Variants in MBP observed in about 807,000 individuals in gnomAD.
The protein encoded by MBP is myelin basic protein.
Under a neutral mutation model 35.8 loss-of-function variants are expected in MBP, and 16 were observed. That is an observed-to-expected ratio of 0.45 (90% CI 0.30 to 0.68). The LOEUF is 0.68. Ranked by LOEUF, MBP falls within the 30% of genes least tolerant of loss-of-function variation. The probability of loss-of-function intolerance (pLI) is 0.08; values close to 1 mark genes in which losing one functional copy is unlikely to be tolerated. For synonymous variants in MBP, 143 were observed against 159.6 expected (o/e 0.90, Z 0.78); for missense variants, 380 against 404.7 (o/e 0.94, Z 0.52).
Position 77,102,170 on chromosome 18 carries a change from G to A in MBP, c.51+3041C>T, listed in dbSNP as rs1000632235. 7.9e-5 allele frequency among the ~76,000 whole-genome samples: 12 copies of A among 151,944 alleles called. No individual in the cohort carries two copies. The highest frequency in any genetic ancestry group is 1.3e-4 in the Non-Finnish European group (9 of 68,000). On this transcript the variant is annotated intron_variant, in intron 2 of 8. Transcript: ENST00000355994. This position sits in a 1 kb window ranked among gnomAD's most constrained non-coding sequence, Gnocchi z 4.4. ...GTGGCAGCAGGGTGGGAAGGAGGGG[G>A]CCCTCAGCAGCCTGGGCCGGGCAGT...
intron 1 of MBP, chr18:77,109,784 C>G (rs905090861): frequency 2.0e-5 from 3 of 152,194 alleles, no homozygotes; most frequent in African/African-American, 7.2e-5. Flanking sequence ...ATATGCTCTC[C>G]GCACTTCATT....
At position 76,984,892 on chromosome 18, in the gene MBP, C is replaced by A. The variant is rs1170779422; in HGVS notation, c.753G>T (p.Gly251=). 2 of 1,613,116 alleles carry A rather than the reference C, an allele frequency of 1.2e-6. No individual in the cohort carries two copies. The highest frequency in any genetic ancestry group is 1.7e-6 in the Non-Finnish European group (2 of 1,180,014). Reference sequence around the variant, plus strand: ...CAAATCCTGGTCTCTGGCCTTCGGCCCCCTGCAAGAGAAGACCACGGAGCT... The same window carrying A: ...CAAATCCTGGTCTCTGGCCTTCGGCACCCTGCAAGAGAAGACCACGGAGCT... ...RGLSLSRFSW[G]AEGQRPGFGY... is the part of the protein sequence containing the mutation. The change falls in exon 8 of 9, where the codon GGG becomes GGT. Residue 251 remains glycine, a splice_region_variant and synonymous_variant. Coordinates refer to ENST00000355994, the MANE Select transcript of MBP (RefSeq NM_001025101.2).
At chr18:76,983,849 C>G (rs938790892) in intron 8 of MBP, 4 of 152,316 alleles carry the variant, frequency 2.6e-5, no homozygotes, top group African/African-American at 9.7e-5. Flanking sequence ...ACCACACATC[C>G]AGACTCAACA....
intron 3 of MBP, among the ~76,000 whole-genome samples, chr18:77,052,669 AG>A (rs1200510887): frequency 6.6e-6 from 1 of 152,208 alleles, no homozygotes; most frequent in African/African-American, 2.4e-5. Context: ...GCAAGCTCAG[AG>A]GACCTACTCA....
intron 4 of MBP, chr18:77,014,758 C>T (rs772998874): frequency 6.1e-6 from 6 of 985,232 alleles, no homozygotes; most frequent in South Asian, 4.7e-5. Flanking sequence ...TGCGCTCCCC[C>T]GGGATGCCTC....
chr18:77,029,362 T>C (rs1270039361), intron 3 of MBP, among the ~76,000 whole-genome samples: 164 of 145,728 alleles, frequency 1.1e-3, no homozygotes, highest in Middle Eastern at 6.9e-3. Context: ...ATGGCAGCAG[T>C]ACAGTCCAGC....
chr18:77,091,689 CCCA>C (rs886214094), intron 2 of MBP, among the ~76,000 whole-genome samples: 8 of 151,772 alleles, frequency 5.3e-5, no homozygotes, highest in Non-Finnish European at 1.2e-4. Context: ...TGTATACACC[CCCA>C]CATCACCATA....
In MBP at chr18:76,988,128, G is replaced by A; in HGVS notation, c.750+367C>T. The stretch of plus-strand genomic sequence containing the variant: ...CCAGCCAGTCCCACTTCCACATGCG[G>A]GTTCCTGGGGCTTCTCGCACTGGTT... On this transcript the variant is annotated intron_variant, in intron 7 of 8. Transcript: ENST00000355994. This position sits in a 1 kb window ranked among gnomAD's most constrained non-coding sequence, Gnocchi z 5.2. The A allele has an allele frequency of 6.6e-7, 1 of 1,524,604 alleles. No homozygotes were observed. The highest frequency in any genetic ancestry group is 2.5e-5 in the East Asian group (1 of 40,598). The allele number at this position is 1,524,604 out of a possible 1,614,324, so 94.4% of individuals were successfully genotyped here.
At position 77,107,544 on chromosome 18, in the gene MBP, G is replaced by T. The variant is rs143302861; in HGVS notation, c.-25-2258C>A. Reference sequence around the variant, plus strand: ...AGTGTGGGCCATGTAAATATTTTGGGACTTGCTGGTAGACAAAGAGAGCTA... The same window carrying T: ...AGTGTGGGCCATGTAAATATTTTGGTACTTGCTGGTAGACAAAGAGAGCTA... On this transcript the variant is annotated intron_variant, in intron 1 of 8. Coordinates refer to ENST00000355994, the MANE Select transcript of MBP (RefSeq NM_001025101.2). Among the ~76,000 whole-genome samples the T allele has an allele frequency of 1.2e-3, 187 of 152,318 alleles. 1 individual carries two copies. Among genetic ancestry groups the T allele is most frequent in the African/African-American group, 4.3e-3 (179 of 41,566 alleles).
intron 7 of MBP, chr18:76,985,315 T>C: frequency 7.7e-7 from 1 of 1,296,376 alleles, no homozygotes. Context: ...GGCTGTGCGC[T>C]GTGTAGGTGC....
intron 2 of MBP, among the ~76,000 whole-genome samples, chr18:77,079,893 C>T (rs1212418517): frequency 6.6e-6 from 1 of 152,142 alleles, no homozygotes; most frequent in Non-Finnish European, 1.5e-5. Flanking sequence ...GGAGAAGCAC[C>T]TTACAGCAAC....
Position 76,989,836 on chromosome 18 carries a change from C to T in MBP, c.681+120G>A. 3.6e-6 allele frequency: 3 copies of T among 829,758 alleles called. No individual in the cohort carries two copies. Among genetic ancestry groups the T allele is most frequent in the South Asian group, 1.6e-5 (1 of 63,938 alleles). 51.4% of individuals were successfully genotyped at this position (829,758 alleles called of 1,614,324 possible). A position where few individuals can be genotyped will look rare whatever the true frequency, so the allele number is the denominator to read the frequency against. On this transcript the variant is annotated intron_variant, in intron 5 of 8. Transcript: ENST00000355994. This position sits in a 1 kb window ranked among gnomAD's most constrained non-coding sequence, Gnocchi z 4.0. ...GGGGGGAGTTCCCCGGCCGGCCTCA[C>T]CCTGATGATGACCCCGGTGCCACCC...
intron 3 of MBP, among the ~76,000 whole-genome samples, chr18:77,036,592 G>A (rs1224578065): frequency 1.6e-5 from 2 of 122,888 alleles, no homozygotes; most frequent in African/African-American, 6.9e-5. Context: ...ACTGAGCTGA[G>A]CAAGTGCTGG....
intron 1 of MBP, among the ~76,000 whole-genome samples, chr18:77,118,479 G>GGAAA: frequency 1.3e-5 from 2 of 152,066 alleles, no homozygotes; most frequent in African/African-American, 4.8e-5. Flanking sequence ...AAATCCAAGA[G>GGAAA]GAAATGCAGG....
Position 77,130,975 on chromosome 18 carries a change from T to C in MBP, c.-26+1605A>G, listed in dbSNP as rs1599297556. On this transcript the variant is annotated intron_variant, in intron 1 of 8. Coordinates refer to ENST00000355994, the MANE Select transcript of MBP (RefSeq NM_001025101.2). ...ACTCCCTGGGAGTTACTCCAGCATT[T>C]ACAGCAATTTTTAACTGTGTTCTTT... 2.0e-5 allele frequency among the ~76,000 whole-genome samples: 3 copies of C among 150,796 alleles called. No individual in the cohort carries two copies. The South Asian group carries it at 6.3e-4, about 32-fold the overall frequency.
chr18:77,013,706 A>G (rs576374571), intron 4 of MBP: 1 of 985,456 alleles, frequency 1.0e-6, no homozygotes, highest in African/African-American at 1.7e-5. Flanking sequence ...AATCATCGGT[A>G]AGAAGCTAGC....
chr18:77,121,108 G>A (rs1976872385), intron 1 of MBP, among the ~76,000 whole-genome samples: 1 of 152,076 alleles, frequency 6.6e-6, no homozygotes, highest in African/African-American at 2.4e-5. Context: ...AGACAAGCTG[G>A]GGCAACATGG....
At chr18:76,983,751 G>C (rs1010125032) in intron 8 of MBP, 2 of 152,230 alleles carry the variant, frequency 1.3e-5, no homozygotes, top group Non-Finnish European at 2.9e-5. Flanking sequence ...TCCCAGAATC[G>C]AGGCTCACGG....
chr18:77,078,141 A>G (rs1386164855), intron 2 of MBP, among the ~76,000 whole-genome samples: 1 of 151,798 alleles, frequency 6.6e-6, no homozygotes, highest in Non-Finnish European at 1.5e-5. Flanking sequence ...CAACCCTCAA[A>G]CCCTCTCATC....
Sources: gnomAD v4.1 joint callset for allele counts (sites outside exome capture counted in the v4.1 genomes callset) on GRCh38, gnomAD v4.1.1 for gene constraint, Gnocchi (gnomAD v3.1) non-coding constraint, MANE v1.5 for transcripts, NCBI Gene and HGNC (gene_info 2026-07-23, HGNC 2026-07-21) for gene names.